Variants in SLC9B2 observed in about 807,000 individuals in gnomAD.
The protein encoded by SLC9B2 is solute carrier family 9 member B2, also known as sodium/hydrogen exchanger 9B2.
Under a neutral mutation model 52.2 loss-of-function variants are expected in SLC9B2, and 39 were observed. The observed-to-expected ratio is 0.75, with a 90% CI of 0.58 to 0.98. SLC9B2 has a LOEUF of 0.98. Ranked by LOEUF, SLC9B2 falls within the 50% of genes least tolerant of loss-of-function variation. The probability of loss-of-function intolerance (pLI) is 0.00; values close to 1 mark genes in which losing one functional copy is unlikely to be tolerated. For synonymous variants in SLC9B2, 214 were observed against 227.0 expected, an observed-to-expected ratio of 0.94 and a Z score of 0.51; for missense variants, 626 against 637.5, an observed-to-expected ratio of 0.98 and a Z score of 0.19.
At chr4:103,030,485 GGTT>G (rs1319961313) in intron 10 of SLC9B2, among the ~76,000 whole-genome samples, 20 of 151,942 alleles carry the variant, frequency 1.3e-4, no homozygotes, top group African/African-American at 4.6e-4. Context: ...TTGTGTGAGA[GGTT>G]GGCAGGTTGT....
rs551003832 is a variant in SLC9B2 at position 103,042,579 on chromosome 4, G to T, written c.1146+717C>A. Among the ~76,000 whole-genome samples, 4 of 151,150 alleles carry T rather than the reference G, an allele frequency of 2.6e-5. No individual in the cohort carries two copies. The South Asian group carries it at 8.4e-4, about 32-fold the overall frequency. On this transcript the variant is annotated intron_variant, in intron 9 of 11. Coordinates refer to ENST00000394785, the MANE Select transcript of SLC9B2 (RefSeq NM_178833.7). ...TGATTAGCATTGCCCATAAAGAAAT[G>T]AAAATCAGAATAATAATGAGATATA...
intron 9 of SLC9B2, among the ~76,000 whole-genome samples, chr4:103,040,456 G>T (rs78791308): frequency 0.016 from 2,404 of 152,242 alleles, 66 homozygotes; most frequent in African/African-American, 0.052. Context: ...AAACAGAAAA[G>T]TTACAACGTA....
intron 9 of SLC9B2, among the ~76,000 whole-genome samples, chr4:103,032,426 AT>A (rs1742789233): frequency 6.6e-6 from 1 of 152,172 alleles, no homozygotes; most frequent in Admixed American, 6.5e-5. Flanking sequence ...TTTATTGCCC[AT>A]TATCTCCAGC....
At chr4:103,021,979 T>G (rs2110558298), downstream of SLC9B2, among the ~76,000 whole-genome samples, 1 of 152,362 alleles carries the variant, frequency 6.6e-6, no homozygotes, top group East Asian at 1.9e-4. Context: ...ACTTCTACAC[T>G]AAAAACACTT....
intron 4 of SLC9B2, among the ~76,000 whole-genome samples, chr4:103,057,553 T>C (rs988557803): frequency 5.3e-5 from 8 of 151,996 alleles, no homozygotes; most frequent in African/African-American, 1.9e-4. Flanking sequence ...GCAATCTGCC[T>C]ACCTTGGCCT....
chr4:103,043,948 A>C (rs567876383), intron 8 of SLC9B2, among the ~76,000 whole-genome samples: 2 of 152,260 alleles, frequency 1.3e-5, no homozygotes, highest in East Asian at 3.9e-4. Flanking sequence ...AAATCTTTGG[A>C]AACCAGGAAG....
chr4:103,075,987 T>C (rs1040118332), intron 1 of SLC9B2, among the ~76,000 whole-genome samples, 197 bp downstream of exon 1: 5 of 152,170 alleles, frequency 3.3e-5, no homozygotes, highest in Non-Finnish European at 7.3e-5. Flanking sequence ...CTCTGGTTAA[T>C]CTGAGAACTA....
intron 3 of SLC9B2, among the ~76,000 whole-genome samples, chr4:103,059,752 T>G (rs931933110): frequency 1.3e-5 from 2 of 152,216 alleles, no homozygotes; most frequent in Non-Finnish European, 2.9e-5. Context: ...TCTAACAAAA[T>G]TCTATTTACC....
In SLC9B2 at chr4:103,049,002, C is replaced by G; in HGVS notation, c.604G>C (p.Gly202Arg). Residue 202 changes from glycine to arginine, a missense_variant, in exon 6 of 12, where the codon GGC becomes CGC. Gly to Arg is a moderately radical substitution (Grantham distance 125). Transcript: ENST00000394785. ...LDSKALKKLK[G>R]VCVRLSMGPC... Reference sequence around the variant, plus strand: ...CCCATGGACAGTCTTACACAAACGCCCTTTAACTTCTTCAGGGCCTGAAAT... The same window carrying G: ...CCCATGGACAGTCTTACACAAACGCGCTTTAACTTCTTCAGGGCCTGAAAT... 3.1e-6 allele frequency: 5 copies of G among 1,613,556 alleles called. No individual in the cohort carries two copies. The highest frequency in any genetic ancestry group is 4.2e-6 in the Non-Finnish European group (5 of 1,179,698).
chr4:103,054,050 C>T (rs1238818884), intron 4 of SLC9B2, among the ~76,000 whole-genome samples: 2 of 151,910 alleles, frequency 1.3e-5, no homozygotes, highest in African/African-American at 4.8e-5. Flanking sequence ...AGCCAAGATA[C>T]GAGGATTGCT....
At chr4:103,033,550 A>C (rs1176097981) in intron 9 of SLC9B2, among the ~76,000 whole-genome samples, 1 of 152,200 alleles carries the variant, frequency 6.6e-6, no homozygotes, top group East Asian at 1.9e-4. Context: ...CAGAGATACT[A>C]TACCTAGAAA....
Position 103,076,425 on chromosome 4 carries a change from CCGTCGGCGCCGGTA to C in SLC9B2, c.-298_-285del, listed in dbSNP as rs1747168405. Reference sequence around the variant, plus strand: ...GCGACACCGCGCAGGGAGGTCCGACCCGTCGGCGCCGGTACAGGCTCCGGAGTAAGCATGGGTTG... The same window carrying C: ...GCGACACCGCGCAGGGAGGTCCGACCCAGGCTCCGGAGTAAGCATGGGTTG... On this transcript the variant is annotated 5_prime_UTR_variant, in exon 1 of 12. It removes the in-frame stop codon of an upstream open reading frame in the 5' UTR. Coordinates refer to ENST00000394785, the MANE Select transcript of SLC9B2 (RefSeq NM_178833.7). The C allele has an allele frequency of 6.6e-6, 1 of 152,278 alleles. No homozygotes were observed. The highest frequency in any genetic ancestry group is 2.4e-5 in the African/African-American group (1 of 41,468). The allele number at this position is 152,278 out of a possible 1,614,324, so 9.4% of individuals were successfully genotyped here. A position where few individuals can be genotyped will look rare whatever the true frequency, so the allele number is the denominator to read the frequency against.
At chr4:103,070,088 A>T (rs578135706) in intron 1 of SLC9B2, among the ~76,000 whole-genome samples, 1 of 152,354 alleles carries the variant, frequency 6.6e-6, no homozygotes, top group African/African-American at 2.4e-5. Flanking sequence ...GCAGAAATAA[A>T]GGGTAAAATG....
At chr4:103,065,171 TACACACACGCACAC>T (rs1312482901) in intron 3 of SLC9B2, among the ~76,000 whole-genome samples, 2 of 104,236 alleles carry the variant, frequency 1.9e-5, no homozygotes, top group Admixed American at 2.3e-4. Context: ...AAAAAAAATG[TACACACACGCACAC>T]ACACACACAC....
At chr4:103,075,236 G>A (rs1219577736) in intron 1 of SLC9B2, among the ~76,000 whole-genome samples, 1 of 152,012 alleles carries the variant, frequency 6.6e-6, no homozygotes, top group African/African-American at 2.4e-5. Context: ...TGCAACCTGT[G>A]CCTCCTGGGT....
At chr4:103,064,352 G>A (rs577121741) in intron 3 of SLC9B2, among the ~76,000 whole-genome samples, 2 of 152,194 alleles carry the variant, frequency 1.3e-5, no homozygotes, top group African/African-American at 2.4e-5. Context: ...CAACAACATG[G>A]ATGAACCTGG....
chr4:103,072,866 G>A (rs1207992624), intron 1 of SLC9B2, among the ~76,000 whole-genome samples: 1 of 152,134 alleles, frequency 6.6e-6, no homozygotes. Flanking sequence ...CCAAGGTGAT[G>A]GTATTAAGAG....
At chr4:103,039,190 T>C (rs1054369423) in intron 9 of SLC9B2, among the ~76,000 whole-genome samples, 1 of 152,236 alleles carries the variant, frequency 6.6e-6, no homozygotes, top group African/African-American at 2.4e-5. Flanking sequence ...GGCATCCCAA[T>C]CTCCATATTT....
intron 8 of SLC9B2, among the ~76,000 whole-genome samples, chr4:103,044,202 T>G (rs1743896290): frequency 6.6e-6 from 1 of 152,220 alleles, no homozygotes; most frequent in African/African-American, 2.4e-5. Flanking sequence ...TCACTTATCC[T>G]GCCTAAGCCT....
Sources: gnomAD v4.1 joint callset for allele counts (sites outside exome capture counted in the v4.1 genomes callset) on GRCh38, gnomAD v4.1.1 for gene constraint, MANE v1.5 for transcripts, NCBI Gene and HGNC (gene_info 2026-07-23, HGNC 2026-07-21) for gene names.